The following CLOCK variants were observed in gnomAD, a reference collection of about 807,000 sequenced individuals.
The protein encoded by CLOCK is clock circadian regulator, also known as circadian locomoter output cycles protein kaput.
A neutral mutation model predicts 118.4 loss-of-function variants in CLOCK; 43 were observed. That is an observed-to-expected ratio of 0.36 (90% CI 0.28 to 0.47). The LOEUF (loss-of-function observed/expected upper bound fraction) is 0.47. CLOCK is among the 20% of genes least tolerant of loss of function. The probability of loss-of-function intolerance (pLI) is 1.00; values close to 1 mark genes in which losing one functional copy is unlikely to be tolerated. For synonymous variants in CLOCK, 326 were observed against 339.2 expected (o/e 0.96, Z 0.43); for missense variants, 846 against 999.9 (o/e 0.85, Z 2.08).
At chr4:55,471,399 G>A (rs748399035) in intron 7 of CLOCK, among the ~76,000 whole-genome samples, 3 of 152,184 alleles carry the variant, frequency 2.0e-5, no homozygotes, top group African/African-American at 7.2e-5. Context: ...GCAGGGGGCT[G>A]TGCTTCAATA....
intron 1 of CLOCK, among the ~76,000 whole-genome samples, chr4:55,536,902 C>T (rs1577875744): frequency 6.6e-6 from 1 of 151,592 alleles, no homozygotes; most frequent in East Asian, 1.9e-4. Context: ...CTTGACCTAA[C>T]TGACATTTGT....
At chr4:55,526,642 G>A (rs1730204712) in intron 1 of CLOCK, among the ~76,000 whole-genome samples, 1 of 151,592 alleles carries the variant, frequency 6.6e-6, no homozygotes, top group African/African-American at 2.4e-5. Flanking sequence ...GTGCAGTGTA[G>A]ACAGTAAGGA....
intron 1 of CLOCK, among the ~76,000 whole-genome samples, chr4:55,515,409 C>T (rs989815812): frequency 2.6e-5 from 4 of 152,160 alleles, no homozygotes; most frequent in Admixed American, 6.5e-5. Flanking sequence ...GAGTCTTGCT[C>T]TGTCACCCAG....
intron 15 of CLOCK, among the ~76,000 whole-genome samples, chr4:55,451,191 C>T (rs1204148558): frequency 6.6e-6 from 1 of 152,156 alleles, no homozygotes; most frequent in Non-Finnish European, 1.5e-5. Context: ...TCTAATCATG[C>T]TTTCACCCAC....
intron 2 of CLOCK, among the ~76,000 whole-genome samples, chr4:55,500,937 G>A (rs551023959): frequency 3.3e-5 from 5 of 151,840 alleles, no homozygotes. Flanking sequence ...CTGCAGCCTC[G>A]ATCTCCTGGG....
intron 2 of CLOCK, among the ~76,000 whole-genome samples, chr4:55,496,737 C>T (rs12510681): frequency 0.34 from 51,395 of 152,026 alleles, 9,387 homozygotes; most frequent in East Asian, 0.58. Flanking sequence ...ATTTCTCCTT[C>T]CTCATTTCCC....
chr4:55,450,045 A>T, intron 16 of CLOCK, 46 bp downstream of exon 16: 1 of 1,599,356 alleles, frequency 6.3e-7, no homozygotes, highest in Non-Finnish European at 8.6e-7. Flanking sequence ...CTAAAAGTTT[A>T]GTTAGTTACT....
chr4:55,485,723 T>C (rs1215773382), intron 3 of CLOCK, among the ~76,000 whole-genome samples: 1 of 152,238 alleles, frequency 6.6e-6, no homozygotes, highest in Non-Finnish European at 1.5e-5. Flanking sequence ...TCACCAGTTT[T>C]ATTTAAAAAA....
Position 55,443,623 on chromosome 4 carries a change from T to G in CLOCK, c.1902+64A>C, listed in dbSNP as rs1723549261. The G allele has an allele frequency of 4.0e-6, 5 of 1,240,620 alleles. No individual in the cohort carries two copies. The South Asian group carries it at 6.0e-5, about 15-fold the overall frequency. 76.9% of individuals were successfully genotyped at this position (1,240,620 alleles called of 1,614,324 possible). On this transcript the variant is annotated intron_variant, in intron 20 of 22. Coordinates refer to ENST00000513440, the MANE Select transcript of CLOCK (RefSeq NM_004898.4). ...TTTATCATTAGAGCTTTATTTCTGCTTCAGCAATAGTGTGCCTTCCAACCA... is the reference window on the plus strand; with the variant it reads ...TTTATCATTAGAGCTTTATTTCTGCGTCAGCAATAGTGTGCCTTCCAACCA...
chr4:55,490,369 A>C (rs548796841), intron 2 of CLOCK, among the ~76,000 whole-genome samples: 9 of 152,270 alleles, frequency 5.9e-5, no homozygotes, highest in African/African-American at 2.2e-4. Flanking sequence ...AAATATATTA[A>C]GCAAACATCA....
intron 1 of CLOCK, among the ~76,000 whole-genome samples, chr4:55,531,197 T>C (rs1217792645): frequency 6.6e-6 from 1 of 152,094 alleles, no homozygotes; most frequent in Non-Finnish European, 1.5e-5. Flanking sequence ...TTTTATTTCT[T>C]GAGTTCCACT....
intron 1 of CLOCK, among the ~76,000 whole-genome samples, chr4:55,519,809 A>T (rs766805264): frequency 6.6e-6 from 1 of 152,012 alleles, no homozygotes; most frequent in African/African-American, 2.4e-5. Flanking sequence ...AAAATAAATA[A>T]ACATCATTGA....
At position 55,443,702 on chromosome 4, in the gene CLOCK, C is replaced by CTGT. The variant is rs1723556452; in HGVS notation, c.1884_1886dup (p.Gln629dup). The CTGT allele has an allele frequency of 1.2e-6, 2 of 1,613,966 alleles. No homozygotes were observed. Among genetic ancestry groups the CTGT allele is most frequent in the Non-Finnish European group, 1.7e-6 (2 of 1,179,884 alleles). On this transcript the variant is annotated inframe_insertion, in exon 20 of 23. Transcript: ENST00000513440. Reference sequence around the variant, plus strand: ...GTAACATTACCTGAGTTGATGTACTCTGTAAAGTCTGTTGTTGTATCATGT... The same window carrying CTGT: ...GTAACATTACCTGAGTTGATGTACTCTGTTGTAAAGTCTGTTGTTGTATCATGT...
intron 1 of CLOCK, among the ~76,000 whole-genome samples, chr4:55,539,716 A>G (rs1731137603): frequency 6.6e-6 from 1 of 152,134 alleles, no homozygotes; most frequent in Non-Finnish European, 1.5e-5. Flanking sequence ...CTAAAAATTG[A>G]AAACAACTTC....
rs116042661 is a variant in CLOCK at position 55,455,250 on chromosome 4, A to G, written c.982+647T>C. On this transcript the variant is annotated intron_variant, in intron 13 of 22. Coordinates refer to ENST00000513440, the MANE Select transcript of CLOCK (RefSeq NM_004898.4). ...AACTTCTAAAATAAATACATGTGAT[A>G]AAAAGAGTAGGCCTAGGCTCCAATC... Among the ~76,000 whole-genome samples, 410 of 152,308 alleles carry G rather than the reference A, an allele frequency of 2.7e-3. 1 individual carries two copies. The highest frequency in any genetic ancestry group is 9.2e-3 in the African/African-American group (382 of 41,564).
At chr4:55,479,604 C>A in intron 5 of CLOCK, 36 bp downstream of exon 5, 2 of 1,441,768 alleles carry the variant, frequency 1.4e-6, no homozygotes, top group South Asian at 2.3e-5. Context: ...ATCTATTATT[C>A]ATTCATTTAC....
intron 1 of CLOCK, among the ~76,000 whole-genome samples, chr4:55,542,320 G>A (rs1387951795): frequency 6.8e-6 from 1 of 147,728 alleles, no homozygotes; most frequent in African/African-American, 2.5e-5. Context: ...CTCCAGCCCG[G>A]GTGACAGAGA....
chr4:55,480,757 G>A (rs373212664), intron 4 of CLOCK, among the ~76,000 whole-genome samples: 4 of 152,014 alleles, frequency 2.6e-5, no homozygotes, highest in African/African-American at 9.7e-5. Context: ...CGGGCGTGGT[G>A]ATGGGCAACT....
At chr4:55,519,401 G>A (rs1044023409) in intron 1 of CLOCK, among the ~76,000 whole-genome samples, 1 of 152,058 alleles carries the variant, frequency 6.6e-6, no homozygotes, top group Non-Finnish European at 1.5e-5. Flanking sequence ...TCCAGAGCAG[G>A]GCTTGTAATT....
Sources: gnomAD v4.1 joint callset for allele counts (sites outside exome capture counted in the v4.1 genomes callset) on GRCh38, gnomAD v4.1.1 for gene constraint, MANE v1.5 for transcripts, NCBI Gene and HGNC (gene_info 2026-07-23, HGNC 2026-07-21) for gene names.